Variants in NPTX2 observed in about 807,000 individuals in gnomAD.
NPTX2 encodes the protein neuronal pentraxin-2.
In NPTX2, 23 loss-of-function variants were observed where a neutral mutation model predicts 38.1. The observed-to-expected ratio is 0.60, with a 90% CI of 0.43 to 0.85. The LOEUF (loss-of-function observed/expected upper bound fraction) is 0.85. NPTX2 is among the 40% of genes least tolerant of loss of function. The probability of loss-of-function intolerance (pLI) is 0.00; values close to 1 mark genes in which losing one functional copy is unlikely to be tolerated. For missense variants in NPTX2, 553 were observed against 615.3 expected (o/e 0.90, Z 1.07); for synonymous variants, 291 against 287.3 (o/e 1.01, Z -0.13).
intron 3 of NPTX2, among the ~76,000 whole-genome samples, chr7:98,626,876 G>A (rs1287424976): frequency 2.0e-5 from 3 of 152,170 alleles, no homozygotes; most frequent in African/African-American, 7.2e-5. Context: ...CTGACTTCCC[G>A]AGTTTCTCTG....
chr7:98,625,323 G>A (rs534443972), intron 3 of NPTX2, among the ~76,000 whole-genome samples, 157 bp downstream of exon 3: 16 of 152,240 alleles, frequency 1.1e-4, no homozygotes, highest in South Asian at 2.1e-4. Flanking sequence ...GGATAGCTTT[G>A]CACACGCCGG....
rs763114650 is a variant in NPTX2 at position 98,628,656 on chromosome 7, G to A, written c.*27G>A. 23 of 1,142,152 alleles carry A rather than the reference G, an allele frequency of 2.0e-5. No homozygotes were observed. The highest frequency in any genetic ancestry group is 7.7e-5 in the East Asian group (3 of 39,078). The allele number at this position is 1,142,152 out of a possible 1,614,324, so 70.8% of individuals were successfully genotyped here. On this transcript the variant is annotated 3_prime_UTR_variant, in exon 5 of 5. Coordinates refer to ENST00000265634, the MANE Select transcript of NPTX2 (RefSeq NM_002523.3). ...CGCCTTCTCCTCTGTCCAGGAGGCCGGGATCAGGCTGTTGCCATGGAAGTT... is the reference window on the plus strand; with the variant it reads ...CGCCTTCTCCTCTGTCCAGGAGGCCAGGATCAGGCTGTTGCCATGGAAGTT...
intron 2 of NPTX2, among the ~76,000 whole-genome samples, chr7:98,623,022 G>C (rs930762673): frequency 6.6e-6 from 1 of 152,152 alleles, no homozygotes; most frequent in African/African-American, 2.4e-5. Context: ...GGGACAATGA[G>C]TTTGGGGGAT....
intron 1 of NPTX2, among the ~76,000 whole-genome samples, chr7:98,618,293 G>A (rs544803884): frequency 6.6e-6 from 1 of 151,826 alleles, no homozygotes; most frequent in Admixed American, 6.6e-5. Context: ...CAGGCCGTGC[G>A]GGTTGCTGCG....
At chr7:98,620,286 G>C in intron 2 of NPTX2, 1 of 201,646 alleles carries the variant, frequency 5.0e-6, no homozygotes, top group Non-Finnish European at 1.0e-5. Context: ...TTGTAGGTTT[G>C]CCCGTAGTGG....
Position 98,617,722 on chromosome 7 carries a change from C to T in NPTX2, c.261C>T (p.Leu87=). Residue 87 remains leucine (L), a synonymous_variant, in exon 1 of 5, where the codon CTC becomes CTT. Coordinates refer to ENST00000265634, the MANE Select transcript of NPTX2 (RefSeq NM_002523.3). ...LGAQREAIRE[L]TGKLARCEGL... is the part of the protein sequence containing the mutation. ...CGCAGCGCGAGGCCATCCGCGAGCT[C>T]ACGGGCAAGCTAGCGCGCTGCGAGG... 2 of 1,429,650 alleles carry T rather than the reference C, an allele frequency of 1.4e-6. No homozygotes were observed. Among genetic ancestry groups the T allele is most frequent in the Non-Finnish European group, 1.8e-6 (2 of 1,103,650 alleles). The allele number at this position is 1,429,650 out of a possible 1,614,324, so 88.6% of individuals were successfully genotyped here. A position where few individuals can be genotyped will look rare whatever the true frequency, so the allele number is the denominator to read the frequency against.
In NPTX2 at chr7:98,627,219, A is replaced by G; in HGVS notation, c.943A>G (p.Thr315Ala). 6.2e-7 allele frequency: 1 copy of G among 1,613,306 alleles called. No individual in the cohort carries two copies. The highest frequency in any genetic ancestry group is 8.5e-7 in the Non-Finnish European group (1 of 1,179,288). ...SDGKWHHICV[T>A]WTTRDGMWEA... ...CGGCAAGTGGCACCACATCTGTGTC[A>G]CCTGGACGACACGGGATGGCATGTG... The change falls in exon 4 of 5, where the codon ACC (threonine) becomes GCC (alanine). Residue 315 changes from threonine (T) to alanine (A), a missense_variant. Thr to Ala is a moderately conservative substitution (Grantham distance 58, BLOSUM62 0). Transcript: ENST00000265634.
At chr7:98,627,379 G>A (rs404895) in intron 4 of NPTX2, 35 bp downstream of exon 4, 1 of 1,592,868 alleles carries the variant, frequency 6.3e-7, no homozygotes, top group South Asian at 1.1e-5. Context: ...GGCACAGGGT[G>A]GGTGCAGGAT....
In NPTX2 at chr7:98,628,569, G is replaced by A. The variant is rs1368790616; in HGVS notation, c.1236G>A (p.Val412=). 5 of 1,608,240 alleles carry A rather than the reference G, an allele frequency of 3.1e-6. No homozygotes were observed. Among genetic ancestry groups the A allele is most frequent in the South Asian group, 1.1e-5 (1 of 90,098 alleles). The change falls in exon 5 of 5, where the codon GTG becomes GTA. Residue 412 remains valine, a synonymous_variant. Coordinates refer to ENST00000265634, the MANE Select transcript of NPTX2 (RefSeq NM_002523.3). Reference sequence around the variant, plus strand: ...CGTGGGTGGACAATAACGTCGATGTGTTCGGAGGGGCCTCCAAGTGGCCCG... The same window carrying A: ...CGTGGGTGGACAATAACGTCGATGTATTCGGAGGGGCCTCCAAGTGGCCCG... ...IIPWVDNNVD[V]FGGASKWPVE...
At chr7:98,627,118 G>C in intron 3 of NPTX2, 47 bp from the exon 4 acceptor site, 1 of 1,430,698 alleles carries the variant, frequency 7.0e-7, no homozygotes, top group African/African-American at 1.4e-5. Flanking sequence ...GGGGGACCCT[G>C]AGGGCGTGGG....
In NPTX2 at chr7:98,629,036, C is replaced by T. The variant is rs558545661; in HGVS notation, c.*407C>T. 2.1e-4 allele frequency: 35 copies of T among 167,256 alleles called. No homozygotes were observed. The highest frequency in any genetic ancestry group is 9.5e-4 in the South Asian group (5 of 5,252). The allele number at this position is 167,256 out of a possible 1,614,324, so 10.4% of individuals were successfully genotyped here. On this transcript the variant is annotated 3_prime_UTR_variant, in exon 5 of 5. Coordinates refer to ENST00000265634, the MANE Select transcript of NPTX2 (RefSeq NM_002523.3). ...CTGTCCCCTTTCATGGCTGTGCAGCCGTCCCGCTGGAGTGGCCATGTCCCT... is the reference window on the plus strand; with the variant it reads ...CTGTCCCCTTTCATGGCTGTGCAGCTGTCCCGCTGGAGTGGCCATGTCCCT...
At chr7:98,627,045 C>CA (rs5886078) in intron 3 of NPTX2, 120 bp from the exon 4 acceptor site, 265,974 of 651,716 alleles carry the variant, frequency 0.41, 60,521 homozygotes, top group African/African-American at 0.84. Flanking sequence ...CGCATGACCC[C>CA]GGTGACAGGA....
At position 98,617,409 on chromosome 7, in the gene NPTX2, C is replaced by T. The variant is rs540508500; in HGVS notation, c.-53C>T. ...CAGCGAAGGCGCCTCCCGCGGAGCGCCCCGACGGCGCCCGCTCGCCCATGC... is the reference window on the plus strand; with the variant it reads ...CAGCGAAGGCGCCTCCCGCGGAGCGTCCCGACGGCGCCCGCTCGCCCATGC... On this transcript the variant is annotated 5_prime_UTR_variant, in exon 1 of 5. Transcript: ENST00000265634. 3.6e-3 allele frequency: 1,958 copies of T among 549,032 alleles called. 42 individuals carry two copies. Among genetic ancestry groups the T allele is most frequent in the African/African-American group, 0.035 (1,777 of 50,090 alleles). 34.0% of individuals were successfully genotyped at this position (549,032 alleles called of 1,614,324 possible). A position where few individuals can be genotyped will look rare whatever the true frequency, so the allele number is the denominator to read the frequency against.
At chr7:98,627,671 G>T (rs1051376494) in intron 4 of NPTX2, among the ~76,000 whole-genome samples, 1 of 152,210 alleles carries the variant, frequency 6.6e-6, no homozygotes, top group Non-Finnish European at 1.5e-5. Flanking sequence ...GCACAGAGGG[G>T]TGTGAGTGTC....
chr7:98,617,866 G>A lies in NPTX2; in HGVS notation c.405G>A (p.Lys135=). The A allele has an allele frequency of 6.4e-7, 1 of 1,557,412 alleles. No homozygotes were observed. The highest frequency in any genetic ancestry group is 8.6e-7 in the Non-Finnish European group (1 of 1,159,914). The change falls in exon 1 of 5, where the codon AAG becomes AAA. Residue 135 remains lysine, a synonymous_variant. Transcript: ENST00000265634. The stretch of plus-strand genomic sequence containing the variant: ...TCAGCCGCTCGCTGCAGACCCTCAA[G>A]GACCGCCTGGAGAGCCTCGAGGTAG... The part of the protein sequence containing the change: ...EQLSRSLQTL[K]DRLESLEHQL...
intron 4 of NPTX2, 137 bp downstream of exon 4, chr7:98,627,481 C>T (rs887558186): frequency 1.5e-4 from 104 of 713,588 alleles, no homozygotes; most frequent in Middle Eastern, 3.9e-4. Context: ...TTCCTGCTCC[C>T]GGCCCCAGCT....
intron 3 of NPTX2, among the ~76,000 whole-genome samples, chr7:98,626,146 C>CAA (rs561364197): frequency 2.9e-3 from 205 of 70,716 alleles, no homozygotes; most frequent in African/African-American, 5.1e-3. Context: ...TACCCTGTCT[C>CAA]AAAAAAAAAA....
chr7:98,627,584 G>A (rs1791374224), intron 4 of NPTX2, among the ~76,000 whole-genome samples: 1 of 152,190 alleles, frequency 6.6e-6, no homozygotes, highest in Non-Finnish European at 1.5e-5. Context: ...TGTGGTTAGA[G>A]GTTGGGCGTG....
At position 98,619,867 on chromosome 7, in the gene NPTX2, C is replaced by G. The variant is rs1226952423; in HGVS notation, c.643+8C>G. On this transcript the variant is annotated splice_region_variant and intron_variant, in intron 2 of 4. Transcript: ENST00000265634. ...TCACCGAGCTGGAGCGAGGTGTGTG[C>G]CTGGCCTGTTTCTCTGTCTGGCAGT... 3 of 1,611,986 alleles carry G rather than the reference C, an allele frequency of 1.9e-6. No individual in the cohort carries two copies.
Sources: allele counts gnomAD v4.1 joint callset (sites outside exome capture counted in the v4.1 genomes callset), GRCh38; gene constraint gnomAD v4.1.1; transcripts MANE v1.5; gene names NCBI Gene and HGNC (gene_info 2026-07-23, HGNC 2026-07-21).